NCOA3: variants seen among roughly 807,000 people sequenced by gnomAD.
NCOA3 encodes CBP-interacting protein.
In NCOA3, 51 loss-of-function variants were observed where a neutral mutation model predicts 158.8. The observed-to-expected ratio is 0.32, with a 90% confidence interval of 0.26 to 0.41. The LOEUF is 0.41. Among genes scored for constraint, NCOA3 ranks in the 10% least tolerant of loss-of-function variants. NCOA3 has a pLI of 1.00. For missense variants in NCOA3, 1,510 were observed against 1,746.6 expected, an observed-to-expected ratio of 0.86 and a Z score of 2.41; for synonymous variants, 537 against 592.4, an observed-to-expected ratio of 0.91 and a Z score of 1.36.
At chr20:47,647,886 GTTT>G (rs140010942) in intron 18 of NCOA3, among the ~76,000 whole-genome samples, 2 of 130,736 alleles carry the variant, frequency 1.5e-5, no homozygotes, top group African/African-American at 5.3e-5. Context: ...AATGCCTGAG[GTTT>G]TTTTTTTGTT....
chr20:47,536,638 T>C (rs1175878130), intron 1 of NCOA3, among the ~76,000 whole-genome samples: 4 of 152,282 alleles, frequency 2.6e-5, no homozygotes, highest in East Asian at 3.9e-4. Context: ...ATGATTGATA[T>C]CTGTGCTTTG....
chr20:47,592,490 C>G (rs1302254232), intron 2 of NCOA3, among the ~76,000 whole-genome samples: 1 of 152,224 alleles, frequency 6.6e-6, no homozygotes, highest in Admixed American at 6.5e-5. Context: ...AAGCACTATT[C>G]AACAATGAAA....
At chr20:47,524,636 G>T (rs936193085) in intron 1 of NCOA3, among the ~76,000 whole-genome samples, 1 of 152,194 alleles carries the variant, frequency 6.6e-6, no homozygotes, top group Non-Finnish European at 1.5e-5. Context: ...ACAGAAAGAG[G>T]AAGCTCCCTG....
chr20:47,521,539 T>C lies in NCOA3; in HGVS notation c.-99+19520T>C, dbSNP rs145617392. Among the ~76,000 whole-genome samples, 205 of 152,192 alleles carry C rather than the reference T, an allele frequency of 1.3e-3. 1 individual carries two copies. The highest frequency in any genetic ancestry group is 3.4e-3 in the Middle Eastern group (1 of 294). The stretch of plus-strand genomic sequence containing the variant: ...ACAGGCTAAGCTAATTCCGATTGGC[T>C]AATTTAAAGAAAGTGTTGGGGTGAG... On this transcript the variant is annotated intron_variant, in intron 1 of 22. Transcript: ENST00000371998.
At chr20:47,520,412 C>G (rs778121432) in intron 1 of NCOA3, among the ~76,000 whole-genome samples, 11 of 152,298 alleles carry the variant, frequency 7.2e-5, no homozygotes, top group Non-Finnish European at 1.3e-4. Context: ...CTTGCCCTTC[C>G]CCTAGGGGAG....
chr20:47,509,110 A>C (rs1410068323), intron 1 of NCOA3, among the ~76,000 whole-genome samples: 1 of 152,216 alleles, frequency 6.6e-6, no homozygotes, highest in African/African-American at 2.4e-5. Flanking sequence ...CTTATAAAGA[A>C]TTTAGAGGCT....
At chr20:47,502,714 T>TG in intron 1 of NCOA3, among the ~76,000 whole-genome samples, 1 of 151,166 alleles carries the variant, frequency 6.6e-6, no homozygotes, top group East Asian at 1.9e-4. Flanking sequence ...TTTTTTTTTT[T>TG]TTTGCTCTCC....
rs746528822 is a variant in NCOA3 at position 47,651,146 on chromosome 20, G to A, written c.3816G>A (p.Gln1272=). 1 of 1,613,838 alleles carries A rather than the reference G, an allele frequency of 6.2e-7. No individual in the cohort carries two copies. Among genetic ancestry groups the A allele is most frequent in the South Asian group, 1.1e-5 (1 of 91,036 alleles). ...QQQQQQQQQQ[Q]QQQQTQAFSP... is the part of the protein sequence containing the mutation. ...AACAGCAACAGCAACAGCAACAGCAGCAACAGCAGCAAACCCAGGCCTTCA... is the reference window on the plus strand; with the variant it reads ...AACAGCAACAGCAACAGCAACAGCAACAACAGCAGCAAACCCAGGCCTTCA... Residue 1272 remains glutamine (Q), a synonymous_variant, in exon 20 of 23, where the codon CAG becomes CAA. Transcript: ENST00000371998.
intron 1 of NCOA3, among the ~76,000 whole-genome samples, chr20:47,553,528 C>T (rs1215605679): frequency 6.6e-6 from 1 of 150,782 alleles, no homozygotes; most frequent in Non-Finnish European, 1.5e-5. Context: ...AGGTATATCA[C>T]CTAATGCTAT....
intron 1 of NCOA3, among the ~76,000 whole-genome samples, chr20:47,561,171 C>T (rs996802629): frequency 6.6e-6 from 1 of 151,182 alleles, no homozygotes; most frequent in Admixed American, 6.6e-5. Context: ...GACAGGGTTT[C>T]GCCATGTTGC....
intron 1 of NCOA3, among the ~76,000 whole-genome samples, chr20:47,518,539 C>T (rs1458320405): frequency 6.6e-6 from 1 of 150,878 alleles, no homozygotes; most frequent in Non-Finnish European, 1.5e-5. Flanking sequence ...GATTCTCCTG[C>T]CTCAGCCTCC....
rs72661187 is a variant in NCOA3 at position 47,520,431 on chromosome 20, A to C, written c.-99+18412A>C. 4.0e-3 allele frequency among the ~76,000 whole-genome samples: 613 copies of C among 152,288 alleles called. 3 individuals carry two copies. Among genetic ancestry groups the C allele is most frequent in the African/African-American group, 0.014 (583 of 41,560 alleles). On this transcript the variant is annotated intron_variant, in intron 1 of 22. Transcript: ENST00000371998. ...CCCTTCCCCTAGGGGAGGAACCGGC[A>C]GGAGTGGAGCTACTCTTTCTTCCCC...
In NCOA3 at chr20:47,551,596, G is replaced by T. The variant is rs1602389229; in HGVS notation, c.-98-31587G>T. Among the ~76,000 whole-genome samples, 3 of 152,080 alleles carry T rather than the reference G, an allele frequency of 2.0e-5. No homozygotes were observed. The South Asian group carries it at 6.2e-4, about 31-fold the overall frequency. On this transcript the variant is annotated intron_variant, in intron 1 of 22. Coordinates refer to ENST00000371998, the MANE Select transcript of NCOA3 (RefSeq NM_181659.3). ...TGTGTGTGTGTTTCTTTATGAAAGT[G>T]CAGGCTGGAAGATAAATTTTCTTAC...
intron 1 of NCOA3, among the ~76,000 whole-genome samples, chr20:47,514,189 T>G (rs981988278): frequency 1.3e-5 from 2 of 152,074 alleles, no homozygotes; most frequent in Non-Finnish European, 2.9e-5. Context: ...AGATTTTATT[T>G]TTTTACTTTT....
chr20:47,515,768 C>T (rs929810614), intron 1 of NCOA3, among the ~76,000 whole-genome samples: 1 of 152,214 alleles, frequency 6.6e-6, no homozygotes, highest in African/African-American at 2.4e-5. Flanking sequence ...GCGTGAGCCA[C>T]TGCCCTCAGC....
chr20:47,605,515 T>A (rs2085931933), intron 2 of NCOA3, among the ~76,000 whole-genome samples: 3 of 152,170 alleles, frequency 2.0e-5, no homozygotes, highest in African/African-American at 7.2e-5. Flanking sequence ...AAATAATAAC[T>A]TTAGCTATTG....
chr20:47,519,637 G>A (rs1014840599), intron 1 of NCOA3, among the ~76,000 whole-genome samples: 3 of 151,084 alleles, frequency 2.0e-5, no homozygotes, highest in African/African-American at 7.3e-5. Context: ...ATCAGGTTAA[G>A]AAATTTGGAG....
intron 1 of NCOA3, among the ~76,000 whole-genome samples, chr20:47,581,970 G>A (rs374884358): frequency 1.3e-5 from 2 of 151,994 alleles, no homozygotes; most frequent in African/African-American, 4.8e-5. Flanking sequence ...GATAATTTTT[G>A]GACTAGGGCA....
chr20:47,577,491 G>A (rs920904888), intron 1 of NCOA3, among the ~76,000 whole-genome samples: 1 of 152,158 alleles, frequency 6.6e-6, no homozygotes, highest in East Asian at 1.9e-4. Flanking sequence ...ATACTCTCAT[G>A]GGACTCTGGT....
Sources: allele counts gnomAD v4.1 joint callset (sites outside exome capture counted in the v4.1 genomes callset), GRCh38; gene constraint gnomAD v4.1.1; transcripts MANE v1.5; gene names NCBI Gene and HGNC (gene_info 2026-07-23, HGNC 2026-07-21).